Variants in PPP1R7 observed in about 807,000 individuals in gnomAD.
The protein encoded by PPP1R7 is protein phosphatase 1 regulatory subunit 22.
A neutral mutation model predicts 45.2 loss-of-function variants in PPP1R7; 18 were observed. The observed-to-expected ratio is 0.40, with a 90% CI of 0.28 to 0.59. PPP1R7 has a LOEUF of 0.59. PPP1R7 is among the 20% of genes least tolerant of loss of function. The pLI is 0.46. For synonymous variants in PPP1R7, 181 were observed against 183.4 expected, an observed-to-expected ratio of 0.99 and a Z score of 0.11; for missense variants, 314 against 455.8, an observed-to-expected ratio of 0.69 and a Z score of 2.83.
chr2:241,149,721 G>A, upstream of PPP1R7: 1 of 1,549,826 alleles, frequency 6.5e-7, no homozygotes, highest in Non-Finnish European at 8.7e-7. Context: ...GAGTAGCGCA[G>A]AGCTCGCCTC....
chr2:241,161,483 A>G (rs1386165326), intron 6 of PPP1R7, among the ~76,000 whole-genome samples: 1 of 152,240 alleles, frequency 6.6e-6, no homozygotes, highest in East Asian at 1.9e-4. Flanking sequence ...GGGCTTTAGA[A>G]AACCTCTTGA....
intron 8 of PPP1R7, among the ~76,000 whole-genome samples, chr2:241,169,541 T>G (rs959874318): frequency 6.6e-6 from 1 of 152,102 alleles, no homozygotes; most frequent in Non-Finnish European, 1.5e-5. Context: ...AGTCTCAAAT[T>G]CCAGCGATCA....
chr2:241,156,550 C>T (rs1015597917), intron 2 of PPP1R7, among the ~76,000 whole-genome samples: 1 of 152,114 alleles, frequency 6.6e-6, no homozygotes, highest in South Asian at 2.1e-4. Context: ...GTAGCACACA[C>T]CCGTAGTCTC....
At chr2:241,152,492 G>T (rs1346964190) in intron 1 of PPP1R7, among the ~76,000 whole-genome samples, 1 of 152,186 alleles carries the variant, frequency 6.6e-6, no homozygotes, top group Admixed American at 6.5e-5. Context: ...TCATTGCGGG[G>T]GTAGGGAAGA....
intron 6 of PPP1R7, 84 bp from the exon 7 acceptor site, chr2:241,163,201 G>T: frequency 2.4e-6 from 2 of 822,266 alleles, no homozygotes; most frequent in South Asian, 3.1e-5. Flanking sequence ...AGCCCACATA[G>T]CTCTGCCCCG....
chr2:241,172,818 T>C (rs1029144398), intron 9 of PPP1R7, among the ~76,000 whole-genome samples: 2 of 152,148 alleles, frequency 1.3e-5, no homozygotes, highest in Non-Finnish European at 2.9e-5. Context: ...TTTGATTTGT[T>C]TGAAAAATCT....
At chr2:241,158,997 T>C in intron 4 of PPP1R7, 1 of 552,548 alleles carries the variant, frequency 1.8e-6, no homozygotes, top group Non-Finnish European at 3.2e-6. Flanking sequence ...CTGCCTCCCT[T>C]TGGGTTCCCG....
At chr2:241,157,444 A>T (rs1380446943) in intron 2 of PPP1R7, among the ~76,000 whole-genome samples, 2 of 152,238 alleles carry the variant, frequency 1.3e-5, no homozygotes, top group Non-Finnish European at 2.9e-5. Flanking sequence ...TCTGGGAGTC[A>T]CGGAAAGGCA....
At chr2:241,172,564 A>AC (rs1469097194) in intron 9 of PPP1R7, among the ~76,000 whole-genome samples, 35 of 152,062 alleles carry the variant, frequency 2.3e-4, no homozygotes, top group Admixed American at 1.6e-3. Context: ...CAATCACTTG[A>AC]ACCTGGCAAG....
chr2:241,150,250 C>T, upstream of PPP1R7: 2 of 1,291,938 alleles, frequency 1.5e-6, no homozygotes, highest in Non-Finnish European at 2.0e-6. Flanking sequence ...CCTCTGCTTT[C>T]CTTCCCAGCT....
intron 2 of PPP1R7, among the ~76,000 whole-genome samples, chr2:241,157,279 G>C (rs2067482215): frequency 6.6e-6 from 1 of 152,198 alleles, no homozygotes; most frequent in Admixed American, 6.5e-5. Flanking sequence ...AGAGGGAAGT[G>C]TTTGTAGATG....
chr2:241,158,362 G>A, intron 3 of PPP1R7, 122 bp from the exon 4 acceptor site: 2 of 844,906 alleles, frequency 2.4e-6, no homozygotes, highest in Middle Eastern at 2.2e-4. Flanking sequence ...ACATCTGTCT[G>A]CTGCAGACCC....
intron 8 of PPP1R7, chr2:241,167,158 G>T (rs1301295390): frequency 7.8e-7 from 1 of 1,284,312 alleles, no homozygotes; most frequent in East Asian, 2.4e-5. Flanking sequence ...ACAAATAAAA[G>T]ACTTTTTCTC....
chr2:241,164,484 G>C (rs2067663918), intron 7 of PPP1R7, among the ~76,000 whole-genome samples: 1 of 152,234 alleles, frequency 6.6e-6, no homozygotes, highest in South Asian at 2.1e-4. Context: ...AGATGGAACA[G>C]AGTGCTCTGG....
chr2:241,150,729 G>A (rs1438806571), intron 1 of PPP1R7, among the ~76,000 whole-genome samples, 182 bp downstream of exon 1: 1 of 152,148 alleles, frequency 6.6e-6, no homozygotes, highest in African/African-American at 2.4e-5. Flanking sequence ...GGGGAGCCCC[G>A]GCCCGGGGGC....
intron 4 of PPP1R7, 139 bp from the exon 5 acceptor site, chr2:241,159,074 C>T: frequency 1.8e-6 from 2 of 1,088,326 alleles, no homozygotes; most frequent in Admixed American, 2.2e-5. Context: ...CAAAGGTCAG[C>T]ACCTTTCTAG....
Position 241,182,871 on chromosome 2 carries a change from A to T in PPP1R7, c.*48A>T. 6.3e-7 allele frequency: 1 copy of T among 1,580,944 alleles called. No individual in the cohort carries two copies. Among genetic ancestry groups the T allele is most frequent in the Non-Finnish European group, 8.6e-7 (1 of 1,156,898 alleles). On this transcript the variant is annotated 3_prime_UTR_variant, in exon 10 of 10. Coordinates refer to ENST00000234038, the MANE Select transcript of PPP1R7 (RefSeq NM_002712.3). The stretch of plus-strand genomic sequence containing the variant: ...GTCCCTCTCCTCGGAAGAACTGCCC[A>T]GCCACGGGTTTTTAACCCACCTGTT...
chr2:241,150,153 C>G, upstream of PPP1R7: 1 of 1,271,000 alleles, frequency 7.9e-7, no homozygotes, highest in Non-Finnish European at 9.9e-7. Context: ...CATAAGTCAA[C>G]TCTCAAGCCC....
intron 9 of PPP1R7, 44 bp from the exon 10 acceptor site, chr2:241,182,603 G>A (rs946410850): frequency 6.2e-7 from 1 of 1,607,226 alleles, no homozygotes; most frequent in African/African-American, 1.3e-5. Context: ...GTCGAGGGCT[G>A]GGCTGTTTGG....
Sources: gnomAD v4.1 joint callset for allele counts (sites outside exome capture counted in the v4.1 genomes callset) on GRCh38, gnomAD v4.1.1 for gene constraint, MANE v1.5 for transcripts, NCBI Gene and HGNC (gene_info 2026-07-23, HGNC 2026-07-21) for gene names.